EFEMP1: variants seen among roughly 807,000 people sequenced by gnomAD.
EFEMP1 encodes the protein EGF-like fibulin extracellular matrix protein 1.
EFEMP1 carries 18 observed loss-of-function variants against 65.7 expected under a neutral mutation model. The ratio of observed to expected loss-of-function variants is 0.27; its 90% CI spans 0.19 to 0.41. The LOEUF is 0.41. EFEMP1 is among the 10% of genes least tolerant of loss of function. The pLI is 1.00. For missense variants in EFEMP1, 469 were observed against 624.8 expected, an observed-to-expected ratio of 0.75 and a Z score of 2.66; for synonymous variants, 237 against 219.7, an observed-to-expected ratio of 1.08 and a Z score of -0.70.
At chr2:55,915,180 A>G (rs1558488027) in intron 5 of EFEMP1, among the ~76,000 whole-genome samples, 1 of 152,224 alleles carries the variant, frequency 6.6e-6, no homozygotes, top group East Asian at 1.9e-4. Context: ...AAGCCTTCCA[A>G]AAAACTTTTA....
In EFEMP1 at chr2:55,872,134, A is replaced by T. The variant is rs145040528; in HGVS notation, c.1001-1011T>A. On this transcript the variant is annotated intron_variant, in intron 9 of 11. Coordinates refer to ENST00000355426, the MANE Select transcript of EFEMP1 (RefSeq NM_001039348.3). The stretch of plus-strand genomic sequence containing the variant: ...TACATCTCTATGTCTGTCTCCCTTT[A>T]CATTTGAATAGTGATTTATATTTTA... 5.4e-3 allele frequency among the ~76,000 whole-genome samples: 821 copies of T among 152,266 alleles called. 5 individuals are homozygous for T. The highest frequency in any genetic ancestry group is 0.019 in the African/African-American group (776 of 41,574).
At chr2:55,920,110 A>T (rs936550749) in intron 3 of EFEMP1, among the ~76,000 whole-genome samples, 10 of 152,078 alleles carry the variant, frequency 6.6e-5, no homozygotes, top group Non-Finnish European at 2.9e-5. Context: ...TGACCTTATC[A>T]CCACCTGGAT....
chr2:55,909,923 G>A (rs1465708201), intron 5 of EFEMP1, among the ~76,000 whole-genome samples: 4 of 152,162 alleles, frequency 2.6e-5, no homozygotes, highest in African/African-American at 9.6e-5. Context: ...ACAGCAGAAA[G>A]TGGTTCTCAA....
chr2:55,904,124 T>C (rs1670149632), intron 5 of EFEMP1, among the ~76,000 whole-genome samples: 1 of 152,110 alleles, frequency 6.6e-6, no homozygotes, highest in South Asian at 2.1e-4. Flanking sequence ...ACTCCCTGAA[T>C]TTTTGCTTTT....
In EFEMP1 at chr2:55,922,829, C is replaced by G; in HGVS notation, c.-8+70G>C. On this transcript the variant is annotated intron_variant, in intron 2 of 11. Coordinates refer to ENST00000355426, the MANE Select transcript of EFEMP1 (RefSeq NM_001039348.3). This position sits in a 1 kb window ranked among gnomAD's most constrained non-coding sequence, Gnocchi z 5.5. The stretch of plus-strand genomic sequence containing the variant: ...GCATTTCCTGCCCCCCAGTCCCACA[C>G]CCCGGGGGATGGAGGTGGGGCTGCA... The G allele has an allele frequency of 8.9e-7, 1 of 1,118,578 alleles. No homozygotes were observed. The highest frequency in any genetic ancestry group is 1.1e-6 in the Non-Finnish European group (1 of 886,770). The allele number at this position is 1,118,578 out of a possible 1,614,324, so 69.3% of individuals were successfully genotyped here.
chr2:55,913,001 G>A (rs184065794), intron 5 of EFEMP1, among the ~76,000 whole-genome samples: 38 of 152,236 alleles, frequency 2.5e-4, no homozygotes, highest in African/African-American at 8.7e-4. Flanking sequence ...ACTGGCAAAT[G>A]GGATCCCGAC....
In EFEMP1 at chr2:55,922,720, G is replaced by T; in HGVS notation, c.-8+179C>A. The T allele has an allele frequency of 4.4e-6, 2 of 454,872 alleles. No homozygotes were observed. The highest frequency in any genetic ancestry group is 7.7e-6 in the Non-Finnish European group (2 of 261,106). 28.2% of individuals were successfully genotyped at this position (454,872 alleles called of 1,614,324 possible). On this transcript the variant is annotated intron_variant, in intron 2 of 11. Transcript: ENST00000355426. The surrounding 1 kb of genome is among the most constrained non-coding windows in gnomAD (Gnocchi z 5.5). The stretch of plus-strand genomic sequence containing the variant: ...TTTACATACAAAAGACATTCAGCGT[G>T]CATTTTATACTGCACCTACAAAGCA...
chr2:55,918,658 C>G (rs1411934754), intron 3 of EFEMP1, among the ~76,000 whole-genome samples: 1 of 150,570 alleles, frequency 6.6e-6, no homozygotes, highest in Non-Finnish European at 1.5e-5. Flanking sequence ...CGCCCTCTCC[C>G]CCGCCCCCAC....
Position 55,875,046 on chromosome 2 carries a change from G to C in EFEMP1, c.900C>G (p.Thr300=). The C allele has an allele frequency of 6.2e-7, 1 of 1,604,246 alleles. No homozygotes were observed. The highest frequency in any genetic ancestry group is 8.5e-7 in the Non-Finnish European group (1 of 1,174,442). ...ATTGATATTGACACAGGTAGCTTGA[G>C]GTTCTGCATTCATCAATGTCTGTTG... The part of the protein sequence containing the change: ...LNCEDIDECR[T]SSYLCQYQCV... Residue 300 remains threonine (T), a synonymous_variant, in exon 9 of 12, where the codon ACC becomes ACG. Transcript: ENST00000355426.
chr2:55,917,704 C>G lies in EFEMP1; in HGVS notation c.478G>C (p.Ala160Pro). The G allele has an allele frequency of 6.2e-7, 1 of 1,614,196 alleles. No individual in the cohort carries two copies. Among genetic ancestry groups the G allele is most frequent in the Non-Finnish European group, 8.5e-7 (1 of 1,180,038 alleles). Residue 160 changes from alanine to proline, a missense_variant, in exon 5 of 12, where the codon GCA becomes CCA. Physicochemically the swap from Ala to Pro is conservative, Grantham distance 27. Coordinates refer to ENST00000355426, the MANE Select transcript of EFEMP1 (RefSeq NM_001039348.3). The surrounding 1 kb of genome is among the most constrained non-coding windows in gnomAD (Gnocchi z 6.3). ...PSNPSHRIQC[A>P]AGYEQSEHNV... ...TGTTCACTTTGCTCGTAGCCTGCTG[C>G]ACACTGGATACGGTGGGAAGGGTTG...
chr2:55,922,591 T>C lies in EFEMP1; in HGVS notation c.-7-144A>G. On this transcript the variant is annotated intron_variant, in intron 2 of 11. Transcript: ENST00000355426. This position sits in a 1 kb window ranked among gnomAD's most constrained non-coding sequence, Gnocchi z 5.5. ...TCAACTTCCAATCTGCTTTCTCATC[T>C]CCCCTCCCCCTCCTGAACCTTCTCG... 1.3e-6 allele frequency: 1 copy of C among 767,772 alleles called. No individual in the cohort carries two copies. 47.6% of individuals were successfully genotyped at this position (767,772 alleles called of 1,614,324 possible).
chr2:55,894,272 CTTTTA>C (rs764542491), intron 5 of EFEMP1, among the ~76,000 whole-genome samples: 1 of 152,216 alleles, frequency 6.6e-6, no homozygotes, highest in Non-Finnish European at 1.5e-5. Flanking sequence ...TCAGCAGCAA[CTTTTA>C]TTTATTTATT....
intron 5 of EFEMP1, among the ~76,000 whole-genome samples, chr2:55,913,535 CAATTAAACA>C (rs1670563968): frequency 6.6e-6 from 1 of 151,492 alleles, no homozygotes. Flanking sequence ...TTTTAAAGTT[CAATTAAACA>C]AACAAGTTTC....
In EFEMP1 at chr2:55,871,039, C is replaced by G; in HGVS notation, c.1085G>C (p.Arg362Pro). ...AATGTAGGGATCTTGACAAGGATTT[C>G]GTGGATAACAACGGAAGCCGCCATG... is the stretch of plus-strand genomic sequence containing the variant. ...NYHGGFRCYP[R>P]NPCQDPYILT... The change falls in exon 10 of 12, where the codon CGA becomes CCA. Residue 362 changes from arginine (R) to proline (P), a missense_variant. Coordinates refer to ENST00000355426, the MANE Select transcript of EFEMP1 (RefSeq NM_001039348.3). The surrounding 1 kb of genome is among the most constrained non-coding windows in gnomAD (Gnocchi z 4.2). The G allele has an allele frequency of 6.2e-7, 1 of 1,613,684 alleles. No individual in the cohort carries two copies. The highest frequency in any genetic ancestry group is 8.5e-7 in the Non-Finnish European group (1 of 1,179,790).
At chr2:55,872,203 A>G (rs1030384722) in intron 9 of EFEMP1, among the ~76,000 whole-genome samples, 2 of 152,128 alleles carry the variant, frequency 1.3e-5, no homozygotes, top group South Asian at 4.1e-4. Flanking sequence ...CCACAATGAG[A>G]TATTTTTATT....
intron 5 of EFEMP1, among the ~76,000 whole-genome samples, chr2:55,888,428 C>T (rs1432832739): frequency 1.3e-5 from 2 of 149,044 alleles, no homozygotes; most frequent in Non-Finnish European, 3.0e-5. Context: ...ACCTCCACCT[C>T]CCAGATTCCA....
At chr2:55,915,570 A>G (rs770206312) in intron 5 of EFEMP1, among the ~76,000 whole-genome samples, 2 of 152,184 alleles carry the variant, frequency 1.3e-5, no homozygotes, top group Non-Finnish European at 2.9e-5. Flanking sequence ...GAATTCAACC[A>G]TAAATGTCAA....
intron 5 of EFEMP1, among the ~76,000 whole-genome samples, chr2:55,892,766 T>C (rs141097918): frequency 2.6e-5 from 4 of 152,226 alleles, no homozygotes. Context: ...AGTTATGCAG[T>C]TGATGTGTTA....
chr2:55,903,955 C>T lies in EFEMP1; in HGVS notation c.517+13710G>A, dbSNP rs553788975. Reference sequence around the variant, plus strand: ...TCTCCCTCCCAGTTACATTCCACAACTTTTTTTCTGCCTGTCATTTCTCTT... The same window carrying T: ...TCTCCCTCCCAGTTACATTCCACAATTTTTTTTCTGCCTGTCATTTCTCTT... On this transcript the variant is annotated intron_variant, in intron 5 of 11. Coordinates refer to ENST00000355426, the MANE Select transcript of EFEMP1 (RefSeq NM_001039348.3). Among the ~76,000 whole-genome samples the T allele has an allele frequency of 2.8e-4, 42 of 152,192 alleles. No homozygotes were observed. The South Asian group carries it at 7.9e-3, about 29-fold the overall frequency.
Sources: allele counts gnomAD v4.1 joint callset (sites outside exome capture counted in the v4.1 genomes callset), GRCh38; gene constraint gnomAD v4.1.1; non-coding constraint Gnocchi (gnomAD v3.1); transcripts MANE v1.5; gene names NCBI Gene and HGNC (gene_info 2026-07-23, HGNC 2026-07-21).